UCHL3: variants seen among roughly 807,000 people sequenced by gnomAD.
The protein encoded by UCHL3 is ubiquitin carboxyl-terminal hydrolase isozyme L3.
UCHL3 carries 22 observed loss-of-function variants against 35.8 expected under a neutral mutation model. That is an observed-to-expected ratio of 0.61 (90% CI 0.44 to 0.88). The LOEUF (loss-of-function observed/expected upper bound fraction) is 0.88. UCHL3 is among the 40% of genes least tolerant of loss of function. The pLI is 0.00. For synonymous variants in UCHL3, 90 were observed against 92.8 expected, an observed-to-expected ratio of 0.97 and a Z score of 0.17; for missense variants, 229 against 276.9, an observed-to-expected ratio of 0.83 and a Z score of 1.23.
intron 2 of UCHL3, among the ~76,000 whole-genome samples, chr13:75,555,590 A>G (rs1463485633): frequency 6.7e-6 from 1 of 149,478 alleles, no homozygotes; most frequent in African/African-American, 2.4e-5. Context: ...GCAGCATTCT[A>G]TCTCTTAAAG....
chr13:75,604,093 T>C (rs1165878163), intron 7 of UCHL3, among the ~76,000 whole-genome samples: 1 of 152,168 alleles, frequency 6.6e-6, no homozygotes, highest in East Asian at 1.9e-4. Flanking sequence ...GGCTGTGTTT[T>C]ATGGATTGAA....
intron 6 of UCHL3, among the ~76,000 whole-genome samples, chr13:75,584,287 A>T (rs1409562705): frequency 2.0e-5 from 3 of 152,148 alleles, no homozygotes; most frequent in African/African-American, 7.2e-5. Context: ...ATGTGTGGGG[A>T]TGGGTCAATA....
chr13:75,549,878 G>T lies in UCHL3; in HGVS notation c.42+16G>T. 6.2e-7 allele frequency: 1 copy of T among 1,612,560 alleles called. No homozygotes were observed. The highest frequency in any genetic ancestry group is 8.5e-7 in the Non-Finnish European group (1 of 1,179,316). On this transcript the variant is annotated intron_variant, in intron 1 of 8. Transcript: ENST00000377595. ...CAATCCCGAGGTGGGCGCGCTTCGGGGCAGCCCTGGGCCGTGGGCAGGTGC... is the reference window on the plus strand; with the variant it reads ...CAATCCCGAGGTGGGCGCGCTTCGGTGCAGCCCTGGGCCGTGGGCAGGTGC...
intron 7 of UCHL3, among the ~76,000 whole-genome samples, chr13:75,597,751 T>C (rs748985284): frequency 6.6e-6 from 1 of 152,162 alleles, no homozygotes; most frequent in East Asian, 1.9e-4. Flanking sequence ...TGACTGTAAC[T>C]TTATTTTTAA....
intron 6 of UCHL3, chr13:75,589,840 C>T (rs1029071011): frequency 2.1e-6 from 2 of 936,780 alleles, no homozygotes; most frequent in African/African-American, 1.7e-5. Context: ...AAATAGTAGA[C>T]CATATGAATT....
chr13:75,566,920 G>A, intron 4 of UCHL3, 69 bp downstream of exon 4: 1 of 1,461,248 alleles, frequency 6.8e-7, no homozygotes, highest in African/African-American at 1.4e-5. Context: ...AGCAGTAGGT[G>A]GTGCTCTAAT....
At chr13:75,592,431 T>TATAC (rs1566227922) in intron 6 of UCHL3, among the ~76,000 whole-genome samples, 2 of 89,734 alleles carry the variant, frequency 2.2e-5, no homozygotes, top group African/African-American at 8.8e-5. Context: ...TATATATATA[T>TATAC]ATATATATAT....
intron 2 of UCHL3, among the ~76,000 whole-genome samples, chr13:75,554,034 G>A (rs1306746284): frequency 6.6e-6 from 1 of 152,082 alleles, no homozygotes; most frequent in Non-Finnish European, 1.5e-5. Flanking sequence ...ACCTCTTTGT[G>A]TCTTAGTTCC....
chr13:75,582,800 A>G (rs555474517), intron 6 of UCHL3, among the ~76,000 whole-genome samples: 25 of 152,346 alleles, frequency 1.6e-4, no homozygotes, highest in African/African-American at 5.3e-4. Flanking sequence ...TAAGGATTTA[A>G]AAGTTGGTGT....
chr13:75,554,782 G>A (rs954879042), intron 2 of UCHL3, among the ~76,000 whole-genome samples: 4 of 152,114 alleles, frequency 2.6e-5, no homozygotes, highest in African/African-American at 9.7e-5. Context: ...AGCTTCAGGG[G>A]TACATGTGTA....
In UCHL3 at chr13:75,605,916, A is replaced by C; in HGVS notation, c.*104A>C. 2.6e-6 allele frequency: 3 copies of C among 1,139,486 alleles called. No homozygotes were observed. The highest frequency in any genetic ancestry group is 3.8e-6 in the Non-Finnish European group (3 of 779,244). The allele number at this position is 1,139,486 out of a possible 1,614,324, so 70.6% of individuals were successfully genotyped here. On this transcript the variant is annotated 3_prime_UTR_variant, in exon 9 of 9. Transcript: ENST00000377595. ...GATATTTTCATTAACTTGATGATTA[A>C]ACTTTATGTGAGTTAAACTTTGCCT... is the stretch of plus-strand genomic sequence containing the variant.
intron 6 of UCHL3, among the ~76,000 whole-genome samples, chr13:75,574,628 A>C (rs566460434): frequency 6.6e-6 from 1 of 152,196 alleles, no homozygotes; most frequent in Non-Finnish European, 1.5e-5. Flanking sequence ...TTAATTATAT[A>C]AACTGCTTAG....
chr13:75,569,409 A>T (rs2031783207), intron 5 of UCHL3, 51 bp from the exon 6 acceptor site: 2 of 1,467,252 alleles, frequency 1.4e-6, no homozygotes, highest in Admixed American at 4.4e-5. Context: ...CTTCATTTAA[A>T]AAGTTGAGTA....
intron 2 of UCHL3, among the ~76,000 whole-genome samples, chr13:75,556,564 T>A (rs1024346083): frequency 3.3e-5 from 5 of 152,366 alleles, no homozygotes; most frequent in African/African-American, 1.2e-4. Context: ...TCTATTTTTT[T>A]AATTTATAAA....
intron 6 of UCHL3, among the ~76,000 whole-genome samples, chr13:75,574,540 C>T (rs1006302739): frequency 2.0e-5 from 3 of 152,136 alleles, no homozygotes; most frequent in African/African-American, 2.4e-5. Context: ...TGCTTATTAG[C>T]TTAGGCAGGA....
rs879622134 is a variant in UCHL3, at chr13:75,596,721, T to TA, written c.550+1740dup. Among the ~76,000 whole-genome samples, 292 of 151,598 alleles carry TA rather than the reference T, an allele frequency of 1.9e-3. 2 individuals are homozygous for TA. Among genetic ancestry groups the TA allele is most frequent in the African/African-American group, 6.5e-3 (270 of 41,364 alleles). On this transcript the variant is annotated intron_variant, in intron 7 of 8. Transcript: ENST00000377595. The stretch of plus-strand genomic sequence containing the variant: ...CTCAATGGGAAGGAAAGAGTTATCT[T>TA]AAAAAAAAACTCGGTTTTACTAGTT...
At chr13:75,549,946 T>C in intron 1 of UCHL3, 30 bp from the exon 2 acceptor site, 2 of 1,614,244 alleles carry the variant, frequency 1.2e-6, no homozygotes, top group Non-Finnish European at 1.7e-6. Context: ...GTGGTTTGTC[T>C]CTAAAGCGTG....
intron 6 of UCHL3, among the ~76,000 whole-genome samples, chr13:75,594,512 A>G (rs975946175): frequency 6.6e-6 from 1 of 152,226 alleles, no homozygotes. Context: ...TTAAGCTGTT[A>G]GGTGTAAAAA....
chr13:75,571,128 TTTATAGTG>T lies in UCHL3; in HGVS notation c.474+1625_474+1632del, dbSNP rs2138503911. ...TATGCTTTGATTTTTTGTTTGCAAA[TTTATAGTG>T]TTAAAATTGGTGATGATGAGGATCA... On this transcript the variant is annotated intron_variant, in intron 6 of 8. Coordinates refer to ENST00000377595, the MANE Select transcript of UCHL3 (RefSeq NM_006002.5). Among the ~76,000 whole-genome samples, 4 of 152,320 alleles carry T rather than the reference TTTATAGTG, an allele frequency of 2.6e-5. 1 individual carries two copies. The highest frequency in any genetic ancestry group is 9.6e-5 in the African/African-American group (4 of 41,562).
Sources: allele counts gnomAD v4.1 joint callset (sites outside exome capture counted in the v4.1 genomes callset), GRCh38; gene constraint gnomAD v4.1.1; transcripts MANE v1.5; gene names NCBI Gene and HGNC (gene_info 2026-07-23, HGNC 2026-07-21).